Variants in ZNF496 observed in about 807,000 individuals in gnomAD.
ZNF496 encodes the protein zinc finger protein 496.
Under a neutral mutation model 58.9 loss-of-function variants are expected in ZNF496, and 11 were observed. The observed-to-expected ratio is 0.19, with a 90% CI of 0.12 to 0.31. The LOEUF (loss-of-function observed/expected upper bound fraction) is 0.31. ZNF496 is among the 10% of genes least tolerant of loss of function. The pLI, the probability that ZNF496 is intolerant of heterozygous loss-of-function variation, is 1.00. For missense variants in ZNF496, 660 were observed against 783.0 expected, an observed-to-expected ratio of 0.84 and a Z score of 1.88; for synonymous variants, 338 against 318.2, an observed-to-expected ratio of 1.06 and a Z score of -0.66.
chr1:247,308,139 G>C lies in ZNF496; in HGVS notation c.1006+336C>G, dbSNP rs914095968. 2.1e-6 allele frequency: 1 copy of C among 482,166 alleles called. No homozygotes were observed. Among genetic ancestry groups the C allele is most frequent in the Admixed American group, 6.4e-5 (1 of 15,660 alleles). The allele number at this position is 482,166 out of a possible 1,614,324, so 29.9% of individuals were successfully genotyped here. On this transcript the variant is annotated intron_variant, in intron 9 of 9. Transcript: ENST00000682384. This position sits in a 1 kb window ranked among gnomAD's most constrained non-coding sequence, Gnocchi z 4.5. ...GCAAGGAGGGTGAGCCTGGGATTGG[G>C]AGTGAGCTGGAGAATGACCCCAGCA...
intron 6 of ZNF496, among the ~76,000 whole-genome samples, chr1:247,317,428 C>T (rs1659816163): frequency 6.6e-6 from 1 of 152,182 alleles, no homozygotes; most frequent in Non-Finnish European, 1.5e-5. Context: ...CCCCTTCTTA[C>T]CAACACCAGC....
chr1:247,316,444 G>A (rs1329007030), intron 6 of ZNF496, among the ~76,000 whole-genome samples: 2 of 151,970 alleles, frequency 1.3e-5, no homozygotes, highest in East Asian at 3.9e-4. Context: ...TGAATAGGTT[G>A]TCATGGGAGT....
chr1:247,328,678 C>T lies in ZNF496; in HGVS notation c.574+5G>A, dbSNP rs1424055212. 1 of 1,575,278 alleles carries T rather than the reference C, an allele frequency of 6.3e-7. No individual in the cohort carries two copies. The highest frequency in any genetic ancestry group is 1.8e-5 in the Admixed American group (1 of 55,460). On this transcript the variant is annotated splice_donor_5th_base_variant and intron_variant, in intron 5 of 9. Coordinates refer to ENST00000682384, the MANE Select transcript of ZNF496 (RefSeq NM_032752.3). ...ACCCCTGCTACACTCCCCTGGGCTG[C>T]ATACCTGGGTCCCCGCTGAGCTGGC...
At chr1:247,316,216 CGTGTGTGTGTGT>C (rs67737658) in intron 6 of ZNF496, among the ~76,000 whole-genome samples, 4 of 90,618 alleles carry the variant, frequency 4.4e-5, no homozygotes, top group Non-Finnish European at 9.6e-5. Flanking sequence ...CGCGCGTGCG[CGTGTGTGTGTGT>C]GTGTGTGTGA....
intron 5 of ZNF496, among the ~76,000 whole-genome samples, chr1:247,323,951 T>C (rs1322139136): frequency 1.3e-5 from 2 of 151,144 alleles, no homozygotes; most frequent in African/African-American, 4.9e-5. Context: ...CGCATCTCTA[T>C]TAAAAATAAA....
chr1:247,322,674 C>G, intron 6 of ZNF496: 1 of 1,272,772 alleles, frequency 7.9e-7, no homozygotes, highest in Non-Finnish European at 1.0e-6. Flanking sequence ...CGAGAACATT[C>G]GAGGAAATTC....
Position 247,301,107 on chromosome 1 carries a change from G to A in ZNF496, c.1176C>T (p.Ser392=). 1 of 1,613,826 alleles carries A rather than the reference G, an allele frequency of 6.2e-7. No individual in the cohort carries two copies. Among genetic ancestry groups the A allele is most frequent in the East Asian group, 2.2e-5 (1 of 44,868 alleles). The part of the protein sequence containing the change: ...QRSLPASHRS[S]TEAGGEVQTS... ...TCTGCACCTCGCCTCCGGCCTCGGT[G>A]CTGCTCCGGTGGGAGGCGGGGAGGC... Residue 392 remains serine, a synonymous_variant, in exon 10 of 10, where the codon AGC becomes AGT. Transcript: ENST00000682384.
intron 6 of ZNF496, among the ~76,000 whole-genome samples, chr1:247,316,135 G>GGTGGGT (rs1553270762): frequency 9.3e-4 from 130 of 139,924 alleles, no homozygotes; most frequent in African/African-American, 3.0e-3. Flanking sequence ...CTGGGAGAGG[G>GGTGGGT]GTGTGTGTGT....
chr1:247,302,239 C>T (rs561560857), intron 9 of ZNF496, among the ~76,000 whole-genome samples: 2 of 152,040 alleles, frequency 1.3e-5, no homozygotes, highest in South Asian at 4.2e-4. Flanking sequence ...GGGAGGAGAG[C>T]CCTGGCTAGT....
In ZNF496 at chr1:247,329,769, A is replaced by C. The variant is rs1277264693; in HGVS notation, c.-37-154T>G. 6.6e-6 allele frequency among the ~76,000 whole-genome samples: 1 copy of C among 152,140 alleles called. No homozygotes were observed. Among genetic ancestry groups the C allele is most frequent in the African/African-American group, 2.4e-5 (1 of 41,426 alleles). ...GAGTGTTGGTGTGGCTGGTCTTTAC[A>C]CACAGGATGAAACAGACAGAAAGAT... On this transcript the variant is annotated intron_variant, in intron 3 of 9. Coordinates refer to ENST00000682384, the MANE Select transcript of ZNF496 (RefSeq NM_032752.3). The surrounding 1 kb of genome is among the most constrained non-coding windows in gnomAD (Gnocchi z 5.5).
Position 247,301,159 on chromosome 1 carries a change from A to C in ZNF496, c.1124T>G (p.Leu375Arg), listed in dbSNP as rs767944381. Residue 375 changes from leucine to arginine, a missense_variant, in exon 10 of 10, where the codon CTG (leucine) becomes CGG (arginine). Leu to Arg is a moderately radical substitution (Grantham distance 102). Coordinates refer to ENST00000682384, the MANE Select transcript of ZNF496 (RefSeq NM_032752.3). The part of the protein sequence containing the change: ...SQHGPYCTEE[L>R]GSPTEKQRSL... The stretch of plus-strand genomic sequence containing the variant: ...GCGCTGCTTCTCTGTGGGGCTCCCC[A>C]GCTCTTCTGTGCAGTACGGGCCATG... 1.9e-6 allele frequency: 3 copies of C among 1,612,784 alleles called. No individual in the cohort carries two copies. The highest frequency in any genetic ancestry group is 2.5e-6 in the Non-Finnish European group (3 of 1,179,612).
intron 5 of ZNF496, 40 bp downstream of exon 5, chr1:247,328,643 T>A: frequency 6.6e-7 from 1 of 1,511,830 alleles, no homozygotes. Flanking sequence ...GGTGTGCACT[T>A]CCCCAGATCA....
At position 247,309,806 on chromosome 1, in the gene ZNF496, T is replaced by C. The variant is rs1191419286; in HGVS notation, c.785A>G (p.Asn262Ser). 17 of 1,613,994 alleles carry C rather than the reference T, an allele frequency of 1.1e-5. No homozygotes were observed. ...GAGATCTGGCTGGGCAGCTAGGTCG[T>C]CTGTTCAAAGAAAAAGGCAGGGTAC... ...GEDYGVSMPP[N>S]DLAAQPDLSQ... The change falls in exon 8 of 10, where the codon AAC (asparagine) becomes AGC (serine). Residue 262 changes from asparagine (N) to serine (S), a missense_variant and splice_region_variant. Physicochemically the swap from Asn to Ser is conservative, Grantham distance 46. Transcript: ENST00000682384. The surrounding 1 kb of genome is among the most constrained non-coding windows in gnomAD (Gnocchi z 4.3).
chr1:247,327,807 A>C (rs1418404167), intron 5 of ZNF496, among the ~76,000 whole-genome samples: 1 of 78,284 alleles, frequency 1.3e-5, no homozygotes, highest in East Asian at 6.1e-4. Flanking sequence ...AGTCATAAGA[A>C]AGCCCCCCTG....
chr1:247,304,374 T>A lies in ZNF496; in HGVS notation c.1007-3098A>T, dbSNP rs1164860973. ...CCCATGGAAATGACCTGCTAGATTT[T>A]TTTTTTTTTTTTTTGAGATGGGGTT... On this transcript the variant is annotated intron_variant, in intron 9 of 9. Coordinates refer to ENST00000682384, the MANE Select transcript of ZNF496 (RefSeq NM_032752.3). Among the ~76,000 whole-genome samples the A allele has an allele frequency of 5.3e-3, 788 of 147,590 alleles. 8 individuals carry two copies. Among genetic ancestry groups the A allele is most frequent in the African/African-American group, 0.018 (738 of 40,832 alleles).
At position 247,300,784 on chromosome 1, in the gene ZNF496, G is replaced by A. The variant is rs1297040641; in HGVS notation, c.1499C>T (p.Ala500Val). The change falls in exon 10 of 10, where the codon GCG (alanine) becomes GTG (valine). Residue 500 changes from alanine (A) to valine (V), a missense_variant. Transcript: ENST00000682384. The surrounding 1 kb of genome is among the most constrained non-coding windows in gnomAD (Gnocchi z 5.7). ...ACCCTTGTCCGCGTCCTCGGATGCCGCCTGCTCTCTCTTCTCCACCGGCTG... is the reference window on the plus strand; with the variant it reads ...ACCCTTGTCCGCGTCCTCGGATGCCACCTGCTCTCTCTTCTCCACCGGCTG... ...RLQPVEKREQAASEDADKGPK... is the reference protein window; with the variant it reads ...RLQPVEKREQVASEDADKGPK... The A allele has an allele frequency of 3.1e-6, 5 of 1,601,724 alleles. No individual in the cohort carries two copies. The highest frequency in any genetic ancestry group is 1.3e-5 in the African/African-American group (1 of 74,714).
intron 5 of ZNF496, 29 bp downstream of exon 5, chr1:247,328,654 C>A (rs373459070): frequency 7.0e-5 from 107 of 1,529,864 alleles, no homozygotes; most frequent in Non-Finnish European, 9.0e-5. Context: ...CCCCAGATCA[C>A]CCCTGCTACA....
chr1:247,308,296 A>G lies in ZNF496; in HGVS notation c.1006+179T>C, dbSNP rs560431267. On this transcript the variant is annotated intron_variant, in intron 9 of 9. Transcript: ENST00000682384. The surrounding 1 kb of genome is among the most constrained non-coding windows in gnomAD (Gnocchi z 4.5). The stretch of plus-strand genomic sequence containing the variant: ...TCACACACCCACATGCCCCCAACAC[A>G]CAGGTGCACCCATGAATGCACACAC... Among the ~76,000 whole-genome samples, 10 of 152,236 alleles carry G rather than the reference A, an allele frequency of 6.6e-5. No homozygotes were observed. The highest frequency in any genetic ancestry group is 1.3e-4 in the Admixed American group (2 of 15,296).
intron 9 of ZNF496, 28 bp from the exon 10 acceptor site, chr1:247,301,304 G>A (rs750591281): frequency 6.0e-6 from 9 of 1,502,338 alleles, no homozygotes; most frequent in Non-Finnish European, 8.0e-6. Context: ...GCAGGTCAGC[G>A]ACGCTGCACA....
Sources: allele counts gnomAD v4.1 joint callset (sites outside exome capture counted in the v4.1 genomes callset), GRCh38; gene constraint gnomAD v4.1.1; non-coding constraint Gnocchi (gnomAD v3.1); transcripts MANE v1.5; gene names NCBI Gene and HGNC (gene_info 2026-07-23, HGNC 2026-07-21).